Variants in CLCA2 observed in about 807,000 individuals in gnomAD.
CLCA2 encodes the protein chloride channel accessory 2.
CLCA2 carries 85 observed loss-of-function variants against 82.9 expected under a neutral mutation model. That is an observed-to-expected ratio of 1.03 (90% confidence interval 0.86 to 1.23). The LOEUF (loss-of-function observed/expected upper bound fraction) is 1.23, where lower values mean the gene tolerates loss of function less well. CLCA2 is among the 50% of genes most tolerant of loss of function. The pLI, the probability that CLCA2 is intolerant of heterozygous loss-of-function variation, is 0.00. For synonymous variants in CLCA2, 421 were observed against 391.7 expected, an observed-to-expected ratio of 1.07 and a Z score of -0.88; for missense variants, 1,089 against 1,124.8, an observed-to-expected ratio of 0.97 and a Z score of 0.45.
chr1:86,424,367 T>C lies in CLCA2; in HGVS notation c.120T>C (p.Tyr40=), dbSNP rs1570249182. The C allele has an allele frequency of 6.2e-7, 1 of 1,613,876 alleles. No individual in the cohort carries two copies. The highest frequency in any genetic ancestry group is 8.5e-7 in the Non-Finnish European group (1 of 1,179,872). ...GAGTACAGCTTCAAGACAATGGGTA[T>C]AATGGATTGCTCATTGCAATTAATC... ...GAGVQLQDNG[Y]NGLLIAINPQ... is the part of the protein sequence containing the mutation. Residue 40 remains tyrosine (Y), a synonymous_variant, in exon 1 of 14, where the codon TAT becomes TAC. Transcript: ENST00000370565.
At chr1:86,434,189 G>A (rs573631945) in intron 5 of CLCA2, among the ~76,000 whole-genome samples, 109 of 152,212 alleles carry the variant, frequency 7.2e-4, no homozygotes, top group African/African-American at 2.6e-3. Flanking sequence ...ATACAATATT[G>A]TGCTAAGGGA....
Position 86,455,287 on chromosome 1 carries a change from T to A in CLCA2, c.2592T>A (p.Val864=). The A allele has an allele frequency of 6.2e-7, 1 of 1,614,120 alleles. No homozygotes were observed. The highest frequency in any genetic ancestry group is 2.2e-5 in the East Asian group (1 of 44,866). The change falls in exon 14 of 14, where the codon GTT becomes GTA. Residue 864 remains valine, a synonymous_variant. Coordinates refer to ENST00000370565, the MANE Select transcript of CLCA2 (RefSeq NM_006536.7). ...GETHESHRIY[V]AIRAMDRNSL... ...CACATGAAAGCCACAGAATTTATGT[T>A]GCAATACGAGCAATGGATAGGAACT...
chr1:86,439,891 C>A (rs1662687829), intron 7 of CLCA2, among the ~76,000 whole-genome samples: 1 of 152,100 alleles, frequency 6.6e-6, no homozygotes, highest in African/African-American at 2.4e-5. Context: ...ATAATGTATT[C>A]CACATCTTCT....
At chr1:86,443,362 A>C (rs957151296) in intron 9 of CLCA2, among the ~76,000 whole-genome samples, 5 of 152,204 alleles carry the variant, frequency 3.3e-5, no homozygotes, top group African/African-American at 1.2e-4. Context: ...AACCATGCCA[A>C]AACCCAAGAT....
intron 4 of CLCA2, among the ~76,000 whole-genome samples, chr1:86,432,093 G>A (rs922947920): frequency 8.6e-5 from 13 of 151,930 alleles, no homozygotes; most frequent in Admixed American, 3.3e-4. Context: ...CCAACACCAC[G>A]CCTGGCTAAT....
rs149537734 is a variant in CLCA2 at position 86,429,990 on chromosome 1, A to C, written c.476-872A>C. 3.1e-3 allele frequency among the ~76,000 whole-genome samples: 478 copies of C among 152,276 alleles called. 2 individuals carry two copies. The highest frequency in any genetic ancestry group is 0.02 in the Middle Eastern group (6 of 294). On this transcript the variant is annotated intron_variant, in intron 3 of 13. Transcript: ENST00000370565. ...GCACAATCTTTCCCTCAACACTCAC[A>C]GCTTGGACTGCTACCCTCCCTTCCT...
At chr1:86,444,553 T>G (rs1570264036) in intron 10 of CLCA2, among the ~76,000 whole-genome samples, 1 of 152,064 alleles carries the variant, frequency 6.6e-6, no homozygotes, top group South Asian at 2.1e-4. Context: ...CAGAGGTGGG[T>G]ATGATATTGT....
At chr1:86,439,572 T>C (rs1381850544) in intron 7 of CLCA2, among the ~76,000 whole-genome samples, 9 of 152,130 alleles carry the variant, frequency 5.9e-5, no homozygotes, top group Non-Finnish European at 1.3e-4. Flanking sequence ...AATGACAGAG[T>C]TTATTTAAAT....
chr1:86,451,980 C>A (rs969247598), intron 12 of CLCA2, among the ~76,000 whole-genome samples: 4 of 151,914 alleles, frequency 2.6e-5, no homozygotes, highest in African/African-American at 9.7e-5. Context: ...CTGTGTATAA[C>A]CTCCAAATTC....
intron 12 of CLCA2, among the ~76,000 whole-genome samples, chr1:86,451,584 C>T (rs1333345907): frequency 6.6e-6 from 1 of 152,122 alleles, no homozygotes; most frequent in Non-Finnish European, 1.5e-5. Flanking sequence ...CTGATTACCT[C>T]CTATTTTCTG....
At position 86,432,476 on chromosome 1, in the gene CLCA2, A is replaced by G; in HGVS notation, c.692A>G (p.Asn231Ser). The change falls in exon 5 of 14, where the codon AAT becomes AGT. Residue 231 changes from asparagine to serine, a missense_variant. Physicochemically the swap from Asn to Ser is conservative, Grantham distance 46. Coordinates refer to ENST00000370565, the MANE Select transcript of CLCA2 (RefSeq NM_006536.7). The part of the protein sequence containing the change: ...LFKEGCTFIY[N>S]STQNATASIM... ...AAAGAAGGATGCACCTTTATCTACA[A>G]TAGCACCCAAAATGCAACTGCATCA... 6.2e-7 allele frequency: 1 copy of G among 1,614,052 alleles called. No individual in the cohort carries two copies. The highest frequency in any genetic ancestry group is 2.2e-5 in the East Asian group (1 of 44,858).
At chr1:86,434,837 G>A in intron 6 of CLCA2, 92 bp downstream of exon 6, 1 of 1,042,424 alleles carries the variant, frequency 9.6e-7, no homozygotes, top group South Asian at 1.5e-5. Context: ...TGGGGTACAT[G>A]TGCAGGACGT....
At position 86,428,578 on chromosome 1, in the gene CLCA2, ACCAATAAAACAATAG is replaced by A. The variant is rs771623104; in HGVS notation, c.475+14_475+28del. ...GGCTACGGATCACGAGGTAAGTGGG[ACCAATAAAACAATAG>A]CCATTGGACAATACTACTTATAATA... is the stretch of plus-strand genomic sequence containing the variant. On this transcript the variant is annotated intron_variant, in intron 3 of 13. Coordinates refer to ENST00000370565, the MANE Select transcript of CLCA2 (RefSeq NM_006536.7). 27 of 1,611,206 alleles carry A rather than the reference ACCAATAAAACAATAG, an allele frequency of 1.7e-5. No homozygotes were observed. In the African/African-American group the frequency reaches 3.5e-4, roughly 21 times the overall value.
chr1:86,455,483 A>G lies in CLCA2; in HGVS notation c.2788A>G (p.Lys930Glu). The change falls in exon 14 of 14, where the codon AAA becomes GAA. Residue 930 changes from lysine to glutamate, a missense_variant. Physicochemically the swap from Lys to Glu is moderately conservative, Grantham distance 56. Coordinates refer to ENST00000370565, the MANE Select transcript of CLCA2 (RefSeq NM_006536.7). ...TGTGACACATCATACTTTAAGCAGG[A>G]AAAAGAGAGCAGACAAGAAAGAGAA... ...IVVTHHTLSR[K>E]KRADKKENGT... 1 of 1,508,260 alleles carries G rather than the reference A, an allele frequency of 6.6e-7. No individual in the cohort carries two copies. The highest frequency in any genetic ancestry group is 8.8e-7 in the Non-Finnish European group (1 of 1,131,182). The allele number at this position is 1,508,260 out of a possible 1,614,324, so 93.4% of individuals were successfully genotyped here. A position where few individuals can be genotyped will look rare whatever the true frequency, so the allele number is the denominator to read the frequency against.
In CLCA2 at chr1:86,425,420, C is replaced by T; in HGVS notation, c.268C>T (p.Pro90Ser). Reference sequence around the variant, plus strand: ...TTTCAGAAATATAAAGATTTTAATACCTGCCACATGGAAAGCTAATAATAA... The same window carrying T: ...TTTCAGAAATATAAAGATTTTAATATCTGCCACATGGAAAGCTAATAATAA... ...VFFRNIKILI[P>S]ATWKANNNSK... Residue 90 changes from proline to serine, a missense_variant, in exon 2 of 14, where the codon CCT (proline) becomes TCT (serine). Transcript: ENST00000370565. 3.2e-6 allele frequency: 5 copies of T among 1,568,166 alleles called. No homozygotes were observed. The highest frequency in any genetic ancestry group is 1.7e-4 in the Middle Eastern group (1 of 5,900).
At position 86,455,765 on chromosome 1, in the gene CLCA2, A is replaced by C. The variant is rs1663064969; in HGVS notation, c.*238A>C. Reference sequence around the variant, plus strand: ...AATTATTCTTTAAAGTAATGTCTTTAAAGGCAAAGGGAAGGGTAAAGTCGG... The same window carrying C: ...AATTATTCTTTAAAGTAATGTCTTTCAAGGCAAAGGGAAGGGTAAAGTCGG... On this transcript the variant is annotated 3_prime_UTR_variant, in exon 14 of 14. Coordinates refer to ENST00000370565, the MANE Select transcript of CLCA2 (RefSeq NM_006536.7). 1 of 236,488 alleles carries C rather than the reference A, an allele frequency of 4.2e-6. No homozygotes were observed. The highest frequency in any genetic ancestry group is 5.5e-5 in the Admixed American group (1 of 18,178). The allele number at this position is 236,488 out of a possible 1,614,324, so 14.6% of individuals were successfully genotyped here.
chr1:86,432,661 T>TA (rs1276245721), intron 5 of CLCA2, 133 bp downstream of exon 5: 3 of 1,039,020 alleles, frequency 2.9e-6, no homozygotes, highest in Admixed American at 2.7e-5. Flanking sequence ...ATCTAGTTTT[T>TA]ATCTACAGAT....
At chr1:86,425,031 G>T (rs1337775073) in intron 1 of CLCA2, among the ~76,000 whole-genome samples, 1 of 152,164 alleles carries the variant, frequency 6.6e-6, no homozygotes, top group African/African-American at 2.4e-5. Flanking sequence ...GTGTGGTCTT[G>T]AATGTGCCCA....
At position 86,434,559 on chromosome 1, in the gene CLCA2, A is replaced by C. The variant is rs1431387462; in HGVS notation, c.786A>C (p.Ala262=). ...ATGCAAGTACCCACAACCAAGAAGC[A>C]CCAAACCTACAGAACCAGATGTGCA... The part of the protein sequence containing the change: ...FCNASTHNQE[A]PNLQNQMCSL... The change falls in exon 6 of 14, where the codon GCA becomes GCC. Residue 262 remains alanine (A), a synonymous_variant. Coordinates refer to ENST00000370565, the MANE Select transcript of CLCA2 (RefSeq NM_006536.7). 6.2e-7 allele frequency: 1 copy of C among 1,614,088 alleles called. No homozygotes were observed.
Sources: gnomAD v4.1 joint callset for allele counts (sites outside exome capture counted in the v4.1 genomes callset) on GRCh38, gnomAD v4.1.1 for gene constraint, MANE v1.5 for transcripts, NCBI Gene and HGNC (gene_info 2026-07-23, HGNC 2026-07-21) for gene names.